Variants in NELL2 observed in about 807,000 individuals in gnomAD.
The protein encoded by NELL2 is protein kinase C-binding protein NELL2.
A neutral mutation model predicts 109.6 loss-of-function variants in NELL2; 41 were observed. That is an observed-to-expected ratio of 0.37 (90% CI 0.29 to 0.49). NELL2 has a LOEUF of 0.49. NELL2 is among the 20% of genes least tolerant of loss of function. The probability of loss-of-function intolerance (pLI) is 0.98; values close to 1 mark genes in which losing one functional copy is unlikely to be tolerated. For synonymous variants in NELL2, 355 were observed against 344.7 expected (o/e 1.03, Z -0.33); for missense variants, 900 against 1,008.3 (o/e 0.89, Z 1.45).
intron 9 of NELL2, among the ~76,000 whole-genome samples, chr12:44,722,220 G>A (rs1167627141): frequency 1.3e-5 from 2 of 152,044 alleles, no homozygotes; most frequent in Non-Finnish European, 2.9e-5. Context: ...TTGTTGCCCA[G>A]GTTGGAGTGC....
chr12:44,875,211 C>A lies in NELL2; in HGVS notation c.184+14G>T, dbSNP rs1945278201. ...AACTGAAATCACAGTGGGGATGCAG[C>A]ACGCCGGGCATACCTTGAAAGAGAA... On this transcript the variant is annotated intron_variant, in intron 2 of 19. Transcript: ENST00000429094. The A allele has an allele frequency of 1.2e-6, 2 of 1,603,822 alleles. No individual in the cohort carries two copies. Among genetic ancestry groups the A allele is most frequent in the African/African-American group, 2.7e-5 (2 of 74,682 alleles).
At chr12:44,574,655 T>A (rs1276163644) in intron 15 of NELL2, among the ~76,000 whole-genome samples, 2 of 152,132 alleles carry the variant, frequency 1.3e-5, no homozygotes, top group Non-Finnish European at 2.9e-5. Context: ...TAAGATGATA[T>A]TTATAGCAAT....
At chr12:44,603,256 G>A (rs1659929539) in intron 15 of NELL2, among the ~76,000 whole-genome samples, 1 of 151,942 alleles carries the variant, frequency 6.6e-6, no homozygotes, top group South Asian at 2.1e-4. Context: ...CTTTGATACT[G>A]CAGCAATTTT....
At chr12:44,895,582 C>T (rs1945583628) in intron 1 of NELL2, among the ~76,000 whole-genome samples, 7 of 152,134 alleles carry the variant, frequency 4.6e-5, no homozygotes. Flanking sequence ...ATTAGAAGCC[C>T]TGAAGTCATA....
At chr12:44,517,381 CTCTCTCTCTCT>C (rs1941321444) in intron 19 of NELL2, among the ~76,000 whole-genome samples, 2 of 95,036 alleles carry the variant, frequency 2.1e-5, no homozygotes, top group African/African-American at 9.7e-5. Flanking sequence ...TTCTCTCTCT[CTCTCTCTCTCT>C]CTCTCTCTCT....
intron 9 of NELL2, among the ~76,000 whole-genome samples, chr12:44,735,896 A>G (rs1426392581): frequency 6.6e-6 from 1 of 152,082 alleles, no homozygotes; most frequent in Non-Finnish European, 1.5e-5. Context: ...TAATTAATTG[A>G]AAATAGAAGA....
At chr12:44,576,548 T>C (rs1944092851) in intron 15 of NELL2, among the ~76,000 whole-genome samples, 1 of 152,164 alleles carries the variant, frequency 6.6e-6, no homozygotes, top group Non-Finnish European at 1.5e-5. Context: ...TCTCTTTTTT[T>C]TTTTTCTTTT....
At chr12:44,690,628 C>T (rs1447382335) in intron 12 of NELL2, among the ~76,000 whole-genome samples, 1 of 152,002 alleles carries the variant, frequency 6.6e-6, no homozygotes, top group East Asian at 1.9e-4. Flanking sequence ...TTCTCATTTC[C>T]TCCTGCATCT....
At chr12:44,738,210 C>T (rs1939754970) in intron 9 of NELL2, among the ~76,000 whole-genome samples, 1 of 152,274 alleles carries the variant, frequency 6.6e-6, no homozygotes, top group South Asian at 2.1e-4. Context: ...GTGTTCATAT[C>T]TCAAACAAGT....
At chr12:44,802,766 G>A (rs548389685) in intron 3 of NELL2, among the ~76,000 whole-genome samples, 1 of 152,064 alleles carries the variant, frequency 6.6e-6, no homozygotes, top group African/African-American at 2.4e-5. Flanking sequence ...GATACTACCA[G>A]AATATGAATA....
chr12:44,669,132 T>A (rs1948051851), intron 12 of NELL2, among the ~76,000 whole-genome samples: 1 of 152,344 alleles, frequency 6.6e-6, no homozygotes, highest in Non-Finnish European at 1.5e-5. Context: ...TAGATACCAA[T>A]GATACTAATT....
chr12:44,656,861 T>C (rs1279414707), intron 13 of NELL2, among the ~76,000 whole-genome samples: 2 of 152,210 alleles, frequency 1.3e-5, no homozygotes, highest in African/African-American at 4.8e-5. Flanking sequence ...ATAGCTGATA[T>C]GAAGGTATTG....
At chr12:44,625,413 T>C (rs893973442) in intron 13 of NELL2, among the ~76,000 whole-genome samples, 2 of 152,110 alleles carry the variant, frequency 1.3e-5, no homozygotes, top group African/African-American at 4.8e-5. Flanking sequence ...AAACAATATA[T>C]ATGTTTGATG....
chr12:44,641,376 T>G (rs980068768), intron 13 of NELL2, among the ~76,000 whole-genome samples: 1 of 152,156 alleles, frequency 6.6e-6, no homozygotes, highest in African/African-American at 2.4e-5. Context: ...CAAATGGATA[T>G]GGACAAAGTG....
At chr12:44,592,522 T>C (rs1489485845) in intron 15 of NELL2, among the ~76,000 whole-genome samples, 1 of 150,164 alleles carries the variant, frequency 6.7e-6, no homozygotes, top group Non-Finnish European at 1.5e-5. Context: ...AAGAGGGAGA[T>C]AGAGAGAGAG....
chr12:44,893,316 T>C (rs1945557075), intron 1 of NELL2, among the ~76,000 whole-genome samples: 1 of 142,176 alleles, frequency 7.0e-6, no homozygotes, highest in Admixed American at 7.6e-5. Flanking sequence ...CAATTTTCTC[T>C]ATCAGATATA....
chr12:44,791,185 T>TAG lies in NELL2; in HGVS notation c.336-11164_336-11163insCT, dbSNP rs1423625950. On this transcript the variant is annotated intron_variant, in intron 3 of 19. Coordinates refer to ENST00000429094, the MANE Select transcript of NELL2 (RefSeq NM_001145108.2). ...CACACACATATATAGTATTCCATCA[T>TAG]ATATATATATATATATATATATATA... is the stretch of plus-strand genomic sequence containing the variant. 8.3e-3 allele frequency among the ~76,000 whole-genome samples: 164 copies of TAG among 19,776 alleles called. 2 individuals carry two copies. The highest frequency in any genetic ancestry group is 0.013 in the Non-Finnish European group (118 of 9,280). 13.0% of individuals were successfully genotyped at this position (19,776 alleles called of 152,430 possible). A position where few individuals can be genotyped will look rare whatever the true frequency, so the allele number is the denominator to read the frequency against.
intron 3 of NELL2, among the ~76,000 whole-genome samples, chr12:44,811,336 G>GAAAAAAAAAAAAA (rs1943170160): frequency 1.9e-4 from 1 of 5,256 alleles, no homozygotes; most frequent in Non-Finnish European, 4.4e-4. Flanking sequence ...AGAACTAAAA[G>GAAAAAAAAAAAAA]TAAAAAAAAA....
chr12:44,767,610 T>C (rs1056789956), intron 9 of NELL2, among the ~76,000 whole-genome samples: 12 of 152,108 alleles, frequency 7.9e-5, no homozygotes, highest in Admixed American at 7.2e-4. Context: ...AACAAATGTA[T>C]AAATTAGTTA....
Sources: allele counts gnomAD v4.1 joint callset (sites outside exome capture counted in the v4.1 genomes callset), GRCh38; gene constraint gnomAD v4.1.1; transcripts MANE v1.5; gene names NCBI Gene and HGNC (gene_info 2026-07-23, HGNC 2026-07-21).